The following SGCZ variants were observed in gnomAD, a reference collection of about 807,000 sequenced individuals.
SGCZ encodes the protein zeta-sarcoglycan.
A neutral mutation model predicts 41.3 loss-of-function variants in SGCZ; 40 were observed. The observed-to-expected ratio is 0.97, with a 90% CI of 0.75 to 1.26. SGCZ has a LOEUF of 1.26. Ranked by LOEUF, SGCZ falls within the 50% of genes most tolerant of loss-of-function variation. The pLI is 0.00. For missense variants in SGCZ, 552 were observed against 369.8 expected (o/e 1.49, Z -4.04); for synonymous variants, 206 against 137.5 (o/e 1.50, Z -3.49).
rs796378000 is a variant in SGCZ at position 14,693,027 on chromosome 8, G to A, written c.40-138101C>T. ...AATGGATAGTGGCCAAGATGCAACCGTGGCTATAATTAGTTTCTCTGTTTA... is the reference window on the plus strand; with the variant it reads ...AATGGATAGTGGCCAAGATGCAACCATGGCTATAATTAGTTTCTCTGTTTA... On this transcript the variant is annotated intron_variant, in intron 1 of 7. Transcript: ENST00000382080. Among the ~76,000 whole-genome samples the A allele has an allele frequency of 1.1e-4, 17 of 152,208 alleles. 1 individual carries two copies. Among genetic ancestry groups the A allele is most frequent in the African/African-American group, 3.6e-4 (15 of 41,554 alleles).
At chr8:14,365,107 C>A (rs1340266540) in intron 2 of SGCZ, among the ~76,000 whole-genome samples, 2 of 151,918 alleles carry the variant, frequency 1.3e-5, no homozygotes, top group Admixed American at 1.3e-4. Flanking sequence ...GCCCTTTTCA[C>A]TTTTGTCATA....
At chr8:14,260,457 G>A (rs906301698) in intron 3 of SGCZ, among the ~76,000 whole-genome samples, 1 of 146,198 alleles carries the variant, frequency 6.8e-6, no homozygotes, top group Non-Finnish European at 1.5e-5. Context: ...ACAGGTGCTG[G>A]AGAGGATGTG....
chr8:15,200,661 G>C (rs1800861794), intron 1 of SGCZ, among the ~76,000 whole-genome samples: 1 of 152,160 alleles, frequency 6.6e-6, no homozygotes, highest in African/African-American at 2.4e-5. Context: ...ATTAGTGAGA[G>C]CCAGCCTGGG....
At chr8:15,022,730 A>T (rs554118623) in intron 1 of SGCZ, among the ~76,000 whole-genome samples, 127 of 152,338 alleles carry the variant, frequency 8.3e-4, no homozygotes, top group African/African-American at 2.9e-3. Context: ...GAGACAAAAC[A>T]TGGCAATAGT....
chr8:14,521,803 G>C (rs780013249), intron 2 of SGCZ, among the ~76,000 whole-genome samples: 1 of 152,072 alleles, frequency 6.6e-6, no homozygotes, highest in African/African-American at 2.4e-5. Context: ...TGTTGAATAA[G>C]AGTGATGAGA....
At position 14,309,562 on chromosome 8, in the gene SGCZ, G is replaced by A. The variant is rs1182086458; in HGVS notation, c.336+14541C>T. The A allele has an allele frequency of 8.7e-6, 14 of 1,610,466 alleles. No individual in the cohort carries two copies. The African/African-American group carries it at 1.6e-4, about 18-fold the overall frequency. On this transcript the variant is annotated intron_variant, in intron 3 of 7. Coordinates refer to ENST00000382080, the MANE Select transcript of SGCZ (RefSeq NM_139167.4). ...AAGAAGCTGTTACACATACAGGGACGGTATAACAAGGAAAGGTTAGGACTT... is the reference window on the plus strand; with the variant it reads ...AAGAAGCTGTTACACATACAGGGACAGTATAACAAGGAAAGGTTAGGACTT...
At chr8:14,163,285 T>G (rs530535369) in intron 5 of SGCZ, among the ~76,000 whole-genome samples, 17 of 152,134 alleles carry the variant, frequency 1.1e-4, no homozygotes, top group Non-Finnish European at 2.4e-4. Flanking sequence ...ACCTAATACT[T>G]ATTCGTTATT....
chr8:14,853,519 GGGGAGA>G, intron 1 of SGCZ: 1 of 530,312 alleles, frequency 1.9e-6, no homozygotes, highest in Non-Finnish European at 3.9e-6. Context: ...AGCAGGTGAC[GGGGAGA>G]TTCTGAAGTC....
At chr8:14,839,139 T>C (rs530962197) in intron 1 of SGCZ, among the ~76,000 whole-genome samples, 23 of 152,132 alleles carry the variant, frequency 1.5e-4, no homozygotes, top group African/African-American at 3.1e-4. Context: ...CAGCTGAGAA[T>C]TGATGGTTGC....
intron 1 of SGCZ, among the ~76,000 whole-genome samples, chr8:14,596,909 A>AG (rs1254507095): frequency 2.6e-5 from 4 of 152,134 alleles, no homozygotes; most frequent in Admixed American, 1.3e-4. Context: ...AAAATAAATA[A>AG]CTGAAAACAA....
intron 4 of SGCZ, among the ~76,000 whole-genome samples, chr8:14,190,160 C>G (rs1041431146): frequency 1.3e-5 from 2 of 151,438 alleles, no homozygotes; most frequent in South Asian, 4.2e-4. Flanking sequence ...CTACAGGCGC[C>G]CGCCACCACG....
At chr8:14,543,865 T>C (rs1803543382) in intron 2 of SGCZ, among the ~76,000 whole-genome samples, 1 of 152,160 alleles carries the variant, frequency 6.6e-6, no homozygotes, top group African/African-American at 2.4e-5. Context: ...GACTACTTAG[T>C]AGCTGTGTGC....
At chr8:14,630,180 T>C (rs1236070092) in intron 1 of SGCZ, among the ~76,000 whole-genome samples, 1 of 152,134 alleles carries the variant, frequency 6.6e-6, no homozygotes, top group Non-Finnish European at 1.5e-5. Context: ...AACAGTATAG[T>C]ATGCTCCTCA....
At chr8:15,237,394 C>T (rs1802169220) in intron 1 of SGCZ, among the ~76,000 whole-genome samples, 191 bp downstream of exon 1, 1 of 152,152 alleles carries the variant, frequency 6.6e-6, no homozygotes, top group Non-Finnish European at 1.5e-5. Flanking sequence ...CAGCCTGGCT[C>T]GGGAGAACCA....
chr8:14,903,891 ATTAACCT>A (rs1348008318), intron 1 of SGCZ, among the ~76,000 whole-genome samples: 2 of 152,070 alleles, frequency 1.3e-5, no homozygotes. Flanking sequence ...TCTAGGGAAG[ATTAACCT>A]TAGGAAAGCT....
intron 1 of SGCZ, among the ~76,000 whole-genome samples, chr8:14,820,306 G>A (rs548489256): frequency 6.6e-6 from 1 of 152,054 alleles, no homozygotes; most frequent in Admixed American, 6.5e-5. Context: ...TTCAATAAGA[G>A]TATATAATAG....
chr8:14,465,811 G>A (rs1489245447), intron 2 of SGCZ, among the ~76,000 whole-genome samples: 5 of 151,676 alleles, frequency 3.3e-5, no homozygotes, highest in Non-Finnish European at 7.4e-5. Flanking sequence ...AGTTGTTGAT[G>A]ACACAGAATT....
At chr8:14,925,292 T>A (rs987415528) in intron 1 of SGCZ, among the ~76,000 whole-genome samples, 1 of 152,262 alleles carries the variant, frequency 6.6e-6, no homozygotes, top group Non-Finnish European at 1.5e-5. Flanking sequence ...AGACTATTAT[T>A]CTAATTCACA....
In SGCZ at chr8:14,123,587, T is replaced by C. The variant is rs544196061; in HGVS notation, c.548-15352A>G. Among the ~76,000 whole-genome samples, 11 of 152,330 alleles carry C rather than the reference T, an allele frequency of 7.2e-5. No individual in the cohort carries two copies. In the South Asian group the frequency reaches 2.3e-3, roughly 32 times the overall value. On this transcript the variant is annotated intron_variant, in intron 5 of 7. Coordinates refer to ENST00000382080, the MANE Select transcript of SGCZ (RefSeq NM_139167.4). ...AGACCTATATACTCCATCTTCTGAA[T>C]GAGTTATTTCTCTGTAGCAATGCAA...
Sources: allele counts gnomAD v4.1 joint callset (sites outside exome capture counted in the v4.1 genomes callset), GRCh38; gene constraint gnomAD v4.1.1; transcripts MANE v1.5; gene names NCBI Gene and HGNC (gene_info 2026-07-23, HGNC 2026-07-21).